The following FBXL2 variants were observed in gnomAD, a reference collection of about 807,000 sequenced individuals.
FBXL2 encodes the protein F-box and leucine rich repeat protein 2.
A neutral mutation model predicts 69.2 loss-of-function variants in FBXL2; 38 were observed. The ratio of observed to expected loss-of-function variants is 0.55; its 90% CI spans 0.42 to 0.72. The LOEUF (loss-of-function observed/expected upper bound fraction) is 0.72. Among genes scored for constraint, FBXL2 ranks in the 30% least tolerant of loss-of-function variants. The pLI is 0.00. For missense variants in FBXL2, 354 were observed against 520.3 expected (o/e 0.68, Z 3.11); for synonymous variants, 192 against 201.3 (o/e 0.95, Z 0.39).
At chr3:33,323,485 T>C (rs1463096845) in intron 2 of FBXL2, among the ~76,000 whole-genome samples, 6 of 152,090 alleles carry the variant, frequency 3.9e-5, no homozygotes, top group African/African-American at 1.2e-4. Context: ...ACAGGCCCCA[T>C]TGTGTGATGT....
chr3:33,331,043 A>C (rs1462553137), intron 2 of FBXL2, among the ~76,000 whole-genome samples: 1 of 151,578 alleles, frequency 6.6e-6, no homozygotes. Context: ...TGTATCAATA[A>C]AAGGTTTTTA....
intron 2 of FBXL2, among the ~76,000 whole-genome samples, chr3:33,348,786 T>G (rs1217338280): frequency 6.6e-6 from 1 of 152,162 alleles, no homozygotes; most frequent in Non-Finnish European, 1.5e-5. Context: ...TCTTTTTAAT[T>G]TATTTCATTA....
chr3:33,351,866 C>G (rs933299767), intron 2 of FBXL2, among the ~76,000 whole-genome samples: 1 of 151,582 alleles, frequency 6.6e-6, no homozygotes, highest in African/African-American at 2.4e-5. Context: ...TGGCTTGTGC[C>G]TATAATCCCA....
intron 1 of FBXL2, among the ~76,000 whole-genome samples, chr3:33,285,935 C>T (rs180949244): frequency 6.6e-6 from 1 of 152,232 alleles, no homozygotes; most frequent in African/African-American, 2.4e-5. Flanking sequence ...GTTTGCCATT[C>T]GTCTAATCTT....
intron 4 of FBXL2, among the ~76,000 whole-genome samples, chr3:33,360,147 G>T (rs927731461): frequency 6.6e-6 from 1 of 152,052 alleles, no homozygotes; most frequent in African/African-American, 2.4e-5. Context: ...TACAGTAGTG[G>T]AAATGCATTT....
chr3:33,373,989 C>A, intron 9 of FBXL2, 68 bp downstream of exon 9: 1 of 1,464,252 alleles, frequency 6.8e-7, no homozygotes, highest in Non-Finnish European at 9.6e-7. Flanking sequence ...TGCCTCAGGC[C>A]TCCCTGCAGC....
chr3:33,290,311 C>G (rs547331755), intron 1 of FBXL2, among the ~76,000 whole-genome samples: 8 of 152,266 alleles, frequency 5.3e-5, no homozygotes, highest in South Asian at 2.1e-4. Context: ...TCCCAGTTTC[C>G]CAGCAACTTA....
At chr3:33,392,655 A>G, downstream of FBXL2, 3 of 1,549,058 alleles carry the variant, frequency 1.9e-6, no homozygotes, top group Non-Finnish European at 2.6e-6. Flanking sequence ...ATTAAGATCC[A>G]ACTGTCGTTT....
At chr3:33,419,106 G>C in the FBXL2 span, among the ~76,000 whole-genome samples, 2 of 152,164 alleles carry the variant, frequency 1.3e-5, no homozygotes, top group Non-Finnish European at 1.5e-5. Flanking sequence ...ACAGAAAGAA[G>C]AGTTGAGGAT....
chr3:33,302,192 G>A (rs2036354954), intron 2 of FBXL2, among the ~76,000 whole-genome samples: 1 of 152,094 alleles, frequency 6.6e-6, no homozygotes, highest in Non-Finnish European at 1.5e-5. Context: ...TCTCAGTAAA[G>A]TACCTGATTA....
chr3:33,319,081 A>C (rs1373906143), intron 2 of FBXL2, among the ~76,000 whole-genome samples: 1 of 152,194 alleles, frequency 6.6e-6, no homozygotes, highest in African/African-American at 2.4e-5. Context: ...TAGGTGTTTT[A>C]AGACGTCACA....
intron 4 of FBXL2, 68 bp from the exon 5 acceptor site, chr3:33,364,556 GT>G: frequency 7.6e-7 from 1 of 1,316,608 alleles, no homozygotes; most frequent in South Asian, 1.2e-5. Flanking sequence ...TAGATTTCAG[GT>G]TATTTTGCTG....
chr3:33,393,384 A>C, intron 12 of FBXL2: 1 of 1,613,762 alleles, frequency 6.2e-7, no homozygotes, highest in Non-Finnish European at 8.5e-7. Flanking sequence ...GGAGAGGGAT[A>C]TTAAACACCA....
intron 1 of FBXL2, among the ~76,000 whole-genome samples, chr3:33,282,489 C>T (rs1322050387): frequency 6.6e-6 from 1 of 152,160 alleles, no homozygotes; most frequent in Non-Finnish European, 1.5e-5. Context: ...ATGGTGCCTC[C>T]AGCTTTGTTC....
chr3:33,348,890 T>C (rs181490921), intron 2 of FBXL2, among the ~76,000 whole-genome samples: 19 of 152,292 alleles, frequency 1.2e-4, no homozygotes, highest in Admixed American at 9.2e-4. Flanking sequence ...TAAATGGGAT[T>C]ACTTTTTAAA....
exon 13 of FBXL2, chr3:33,403,502 ATCTATCTATCTGTCTGTCTGTCTGG>A (rs1236838879): frequency 6.6e-6 from 1 of 151,718 alleles, no homozygotes; most frequent in South Asian, 2.1e-4. Flanking sequence ...CTATCTATCT[ATCTATCTATCTGTCTGTCTGTCTGG>A]TCTGTCTATC....
In FBXL2 at chr3:33,341,836, A is replaced by G. The variant is rs1419373398; in HGVS notation, c.66-17131A>G. Among the ~76,000 whole-genome samples the G allele has an allele frequency of 9.0e-4, 115 of 127,536 alleles. 2 individuals carry two copies. The highest frequency in any genetic ancestry group is 5.0e-3 in the African/African-American group (112 of 22,520). The allele number at this position is 127,536 out of a possible 152,430, so 83.7% of individuals were successfully genotyped here. A position where few individuals can be genotyped will look rare whatever the true frequency, so the allele number is the denominator to read the frequency against. On this transcript the variant is annotated intron_variant, in intron 2 of 14. Coordinates refer to ENST00000484457, the MANE Select transcript of FBXL2 (RefSeq NM_012157.5). ...CAGAGCAAGACTCCGTCTCAGGAAA[A>G]AAAAAAAAAAAAAAAAAAAGGACAG... is the stretch of plus-strand genomic sequence containing the variant.
At chr3:33,278,429 AG>A (rs1457428537) in intron 1 of FBXL2, 1 of 152,226 alleles carries the variant, frequency 6.6e-6, no homozygotes, top group Non-Finnish European at 1.5e-5. Flanking sequence ...GGAAATACTT[AG>A]TTTTGTTTTA....
chr3:33,332,535 A>G (rs1026463493), intron 2 of FBXL2, among the ~76,000 whole-genome samples: 3 of 152,256 alleles, frequency 2.0e-5, no homozygotes, highest in Admixed American at 1.3e-4. Context: ...ATGTCCATCA[A>G]CGGATAAATG....
Sources: gnomAD v4.1 joint callset for allele counts (sites outside exome capture counted in the v4.1 genomes callset) on GRCh38, gnomAD v4.1.1 for gene constraint, MANE v1.5 for transcripts, NCBI Gene and HGNC (gene_info 2026-07-23, HGNC 2026-07-21) for gene names.